Variants in ELF1 observed in about 807,000 individuals in gnomAD.
The protein encoded by ELF1 is E74 like ETS transcription factor 1, also known as ETS-related transcription factor Elf-1.
Under a neutral mutation model 59.9 loss-of-function variants are expected in ELF1, and 24 were observed. The observed-to-expected ratio is 0.40, with a 90% CI of 0.29 to 0.56. The LOEUF (loss-of-function observed/expected upper bound fraction) is 0.56, where lower values mean the gene tolerates loss of function less well. Ranked by LOEUF, ELF1 falls within the 20% of genes least tolerant of loss-of-function variation. The probability of loss-of-function intolerance (pLI) is 0.44; values close to 1 mark genes in which losing one functional copy is unlikely to be tolerated. For synonymous variants in ELF1, 248 were observed against 266.2 expected, an observed-to-expected ratio of 0.93 and a Z score of 0.67; for missense variants, 627 against 742.2, an observed-to-expected ratio of 0.84 and a Z score of 1.80.
At chr13:40,995,509 T>A (rs1874083366) in intron 1 of ELF1, among the ~76,000 whole-genome samples, 1 of 151,792 alleles carries the variant, frequency 6.6e-6, no homozygotes. Context: ...GAGGTACTGG[T>A]GAAAGAACAA....
intron 2 of ELF1, among the ~76,000 whole-genome samples, chr13:40,975,418 G>A (rs1249918559): frequency 6.6e-6 from 1 of 152,012 alleles, no homozygotes; most frequent in Non-Finnish European, 1.5e-5. Context: ...ATACAACAGA[G>A]TAGAGGGAAA....
intron 1 of ELF1, among the ~76,000 whole-genome samples, chr13:41,013,553 T>G (rs1395127333): frequency 6.6e-6 from 1 of 152,174 alleles, no homozygotes; most frequent in African/African-American, 2.4e-5. Context: ...AGTAGTTATT[T>G]TTTAAAGGAA....
chr13:40,982,067 C>G lies in ELF1; in HGVS notation c.-13G>C, dbSNP rs371065658. ...CAACAGCAGCCATAATAAAGCATTCCCCTTAGATCCACATGAGAAAAATTC... is the reference window on the plus strand; with the variant it reads ...CAACAGCAGCCATAATAAAGCATTCGCCTTAGATCCACATGAGAAAAATTC... On this transcript the variant is annotated 5_prime_UTR_variant, in exon 2 of 9. Transcript: ENST00000239882. The G allele has an allele frequency of 6.2e-7, 1 of 1,603,906 alleles. No individual in the cohort carries two copies. Among genetic ancestry groups the G allele is most frequent in the Non-Finnish European group, 8.5e-7 (1 of 1,175,994 alleles).
chr13:40,951,325 T>C lies in ELF1; in HGVS notation c.361+4A>G. On this transcript the variant is annotated splice_donor_region_variant and intron_variant, in intron 4 of 8. Coordinates refer to ENST00000239882, the MANE Select transcript of ELF1 (RefSeq NM_172373.4). ...CATAAACATAAACAATCATAATCACTCACTTATTCGTTTTTCATCCAGCAT... is the reference window on the plus strand; with the variant it reads ...CATAAACATAAACAATCATAATCACCCACTTATTCGTTTTTCATCCAGCAT... The C allele has an allele frequency of 2.5e-6, 4 of 1,604,648 alleles. No individual in the cohort carries two copies. Among genetic ancestry groups the C allele is most frequent in the Non-Finnish European group, 3.4e-6 (4 of 1,173,320 alleles).
upstream of ELF1, among the ~76,000 whole-genome samples, chr13:41,023,496 G>C (rs1875766194): frequency 6.6e-6 from 1 of 152,170 alleles, no homozygotes; most frequent in Non-Finnish European, 1.5e-5. Flanking sequence ...GAGATTGAGT[G>C]TTATGAATCT....
intron 1 of ELF1, among the ~76,000 whole-genome samples, chr13:41,039,335 T>TAA (rs753642464): frequency 3.4e-4 from 48 of 141,866 alleles, no homozygotes; most frequent in East Asian, 1.9e-3. Context: ...AGTCCTTTTT[T>TAA]TAAAAAAAAA....
intron 2 of ELF1, among the ~76,000 whole-genome samples, chr13:40,970,950 A>G (rs1349385938): frequency 1.3e-5 from 2 of 152,190 alleles, no homozygotes; most frequent in Non-Finnish European, 2.9e-5. Context: ...AGCAGCTACT[A>G]TGTTAAGGAC....
At chr13:40,976,489 T>A (rs1208916212) in intron 2 of ELF1, among the ~76,000 whole-genome samples, 1 of 152,210 alleles carries the variant, frequency 6.6e-6, no homozygotes, top group Non-Finnish European at 1.5e-5. Flanking sequence ...AAACACTGCA[T>A]GAAAAAATCA....
At chr13:40,961,193 G>A (rs958187508) in intron 2 of ELF1, among the ~76,000 whole-genome samples, 1 of 152,142 alleles carries the variant, frequency 6.6e-6, no homozygotes, top group Non-Finnish European at 1.5e-5. Flanking sequence ...AATACACATT[G>A]TAGGTGCTAA....
At chr13:40,934,575 C>G (rs1869639492) in intron 8 of ELF1, among the ~76,000 whole-genome samples, 1 of 151,916 alleles carries the variant, frequency 6.6e-6, no homozygotes, top group South Asian at 2.1e-4. Flanking sequence ...CACGTGCCAC[C>G]ACGCCCGGCT....
At chr13:40,968,046 A>G (rs1002969358) in intron 2 of ELF1, among the ~76,000 whole-genome samples, 2 of 152,196 alleles carry the variant, frequency 1.3e-5, no homozygotes, top group African/African-American at 4.8e-5. Context: ...ACACTTAGCA[A>G]CAACATTTAG....
intron 8 of ELF1, among the ~76,000 whole-genome samples, chr13:40,935,949 T>C (rs1377670176): frequency 6.6e-6 from 1 of 152,142 alleles, no homozygotes; most frequent in Non-Finnish European, 1.5e-5. Flanking sequence ...CCAGATACCA[T>C]TTTTAAATAA....
intron 1 of ELF1, among the ~76,000 whole-genome samples, chr13:41,030,452 G>A (rs1156801101): frequency 6.6e-6 from 1 of 152,094 alleles, no homozygotes; most frequent in Non-Finnish European, 1.5e-5. Flanking sequence ...GAAAACAGAA[G>A]TAATTTTGGG....
chr13:40,997,467 A>G (rs1405912762), intron 1 of ELF1, among the ~76,000 whole-genome samples: 1 of 152,196 alleles, frequency 6.6e-6, no homozygotes, highest in African/African-American at 2.4e-5. Flanking sequence ...AATATTGGCC[A>G]GGCTGGTCTC....
At chr13:40,972,488 T>G (rs1036004433) in intron 2 of ELF1, among the ~76,000 whole-genome samples, 2 of 152,228 alleles carry the variant, frequency 1.3e-5, no homozygotes, top group African/African-American at 2.4e-5. Flanking sequence ...TGAATTTGTA[T>G]AACTGGTATG....
At chr13:40,950,735 A>G (rs1870799183) in intron 4 of ELF1, among the ~76,000 whole-genome samples, 1 of 152,236 alleles carries the variant, frequency 6.6e-6, no homozygotes, top group African/African-American at 2.4e-5. Flanking sequence ...AACTGTCTTC[A>G]AAATTAAACT....
At chr13:40,980,733 A>G (rs1336176359) in intron 2 of ELF1, among the ~76,000 whole-genome samples, 1 of 152,198 alleles carries the variant, frequency 6.6e-6, no homozygotes, top group African/African-American at 2.4e-5. Flanking sequence ...TGCATAGTAA[A>G]CACACTGTTT....
chr13:40,942,887 G>C, intron 7 of ELF1, 65 bp downstream of exon 7: 1 of 1,410,158 alleles, frequency 7.1e-7, no homozygotes, highest in Non-Finnish European at 9.4e-7. Context: ...CTTAAGCTTA[G>C]TATTTTTTTT....
At chr13:40,967,295 A>G (rs147162721) in intron 2 of ELF1, among the ~76,000 whole-genome samples, 2 of 152,366 alleles carry the variant, frequency 1.3e-5, no homozygotes, top group East Asian at 3.9e-4. Flanking sequence ...AGGGTGTAAC[A>G]GTAAAAACTC....
Sources: allele counts gnomAD v4.1 joint callset (sites outside exome capture counted in the v4.1 genomes callset), GRCh38; gene constraint gnomAD v4.1.1; transcripts MANE v1.5; gene names NCBI Gene and HGNC (gene_info 2026-07-23, HGNC 2026-07-21).